The following CADM2 variants were observed in gnomAD, a reference collection of about 807,000 sequenced individuals.
The protein encoded by CADM2 is immunoglobulin superfamily member 4D.
CADM2 carries 12 observed loss-of-function variants against 49.8 expected under a neutral mutation model. The observed-to-expected ratio is 0.24, with a 90% CI of 0.15 to 0.39. The LOEUF (loss-of-function observed/expected upper bound fraction) is 0.39, where lower values mean the gene tolerates loss of function less well. Among genes scored for constraint, CADM2 ranks in the 10% least tolerant of loss-of-function variants. CADM2 has a pLI of 1.00. For missense variants in CADM2, 378 were observed against 492.3 expected (o/e 0.77, Z 2.20); for synonymous variants, 214 against 175.4 (o/e 1.22, Z -1.74).
At chr3:85,794,373 T>C (rs941021944) in intron 2 of CADM2, among the ~76,000 whole-genome samples, 2 of 152,180 alleles carry the variant, frequency 1.3e-5, no homozygotes, top group Non-Finnish European at 2.9e-5. Flanking sequence ...TTTGAGAGCT[T>C]CTATTTACTA....
intron 2 of CADM2, among the ~76,000 whole-genome samples, chr3:85,752,472 G>GCACACACACACA (rs3044028): frequency 5.6e-4 from 83 of 147,898 alleles, no homozygotes; most frequent in African/African-American, 2.1e-3. Flanking sequence ...ATGTGTGCGT[G>GCACACACACACA]CACACACACA....
At chr3:85,554,882 A>AT (rs902390475) in intron 1 of CADM2, among the ~76,000 whole-genome samples, 326 of 30,958 alleles carry the variant, frequency 0.011, 1 homozygote, top group Non-Finnish European at 0.019. Flanking sequence ...TTTTATTTTT[A>AT]TTTTTTTTTT....
At chr3:85,584,760 G>A (rs1315358050) in intron 1 of CADM2, among the ~76,000 whole-genome samples, 3 of 152,062 alleles carry the variant, frequency 2.0e-5, no homozygotes, top group African/African-American at 7.2e-5. Flanking sequence ...TCTGCTTGTA[G>A]CATCTGAAAG....
chr3:85,388,490 G>C (rs2034356956), intron 1 of CADM2, among the ~76,000 whole-genome samples: 1 of 152,096 alleles, frequency 6.6e-6, no homozygotes, highest in Non-Finnish European at 1.5e-5. Flanking sequence ...CATGTTTTCA[G>C]AAACAGCTAC....
intron 1 of CADM2, among the ~76,000 whole-genome samples, chr3:85,006,583 G>A (rs918646444): frequency 6.6e-5 from 10 of 152,110 alleles, no homozygotes; most frequent in East Asian, 3.9e-4. Context: ...GCTAAATGCC[G>A]GGAAACATGG....
rs71108284 is a variant in CADM2, at chr3:85,371,619, C to CTGTGTGTGTG, written c.62-354888_62-354879dup. Among the ~76,000 whole-genome samples the CTGTGTGTGTG allele has an allele frequency of 1.1e-3, 132 of 124,670 alleles. 3 individuals are homozygous for CTGTGTGTGTG. In the South Asian group the frequency reaches 0.014, roughly 13 times the overall value. The allele number at this position is 124,670 out of a possible 152,430, so 81.8% of individuals were successfully genotyped here. ...CATCATAATATTAAGCCACACATCA[C>CTGTGTGTGTG]TGTGTGTGTGTGTGTGTGTGTGTGC... On this transcript the variant is annotated intron_variant, in intron 1 of 9. Coordinates refer to ENST00000383699, the MANE Select transcript of CADM2 (RefSeq NM_001167675.2).
intron 7 of CADM2, among the ~76,000 whole-genome samples, chr3:85,947,981 C>T (rs1722946008): frequency 6.6e-6 from 1 of 151,498 alleles, no homozygotes; most frequent in African/African-American, 2.4e-5. Context: ...AAACCCTAAA[C>T]CAAACATGTC....
At chr3:85,288,792 C>CT in intron 1 of CADM2, among the ~76,000 whole-genome samples, 1 of 135,190 alleles carries the variant, frequency 7.4e-6, no homozygotes, top group Non-Finnish European at 1.6e-5. Flanking sequence ...ATGCCCCCCC[C>CT]CCCTCTTTTT....
At chr3:85,846,244 G>C (rs188236899) in intron 3 of CADM2, among the ~76,000 whole-genome samples, 2 of 152,064 alleles carry the variant, frequency 1.3e-5, no homozygotes, top group Non-Finnish European at 2.9e-5. Context: ...ATTTTCTAGC[G>C]TTGCATTTAA....
At chr3:84,959,808 G>T (rs927326255) in intron 1 of CADM2, 140 bp downstream of exon 1, 3 of 787,040 alleles carry the variant, frequency 3.8e-6, no homozygotes, top group Admixed American at 2.2e-5. Flanking sequence ...CTCTGGTGCG[G>T]CAGGGGGCAG....
intron 2 of CADM2, among the ~76,000 whole-genome samples, chr3:85,791,461 T>C (rs1362259441): frequency 6.6e-6 from 1 of 150,754 alleles, no homozygotes; most frequent in Non-Finnish European, 1.5e-5. Context: ...AGACACAGGT[T>C]CTTTGTATAA....
intron 1 of CADM2, among the ~76,000 whole-genome samples, chr3:85,403,373 G>A (rs187204686): frequency 6.6e-6 from 1 of 152,016 alleles, no homozygotes; most frequent in East Asian, 1.9e-4. Flanking sequence ...CTTTCTCAAG[G>A]GCATTTCTTG....
At chr3:85,025,718 C>T (rs1337781408) in intron 1 of CADM2, among the ~76,000 whole-genome samples, 2 of 151,900 alleles carry the variant, frequency 1.3e-5, no homozygotes, top group Admixed American at 6.6e-5. Context: ...AAATGACCGT[C>T]GTAGGTTATT....
chr3:85,011,981 A>G (rs1246352353), intron 1 of CADM2, among the ~76,000 whole-genome samples: 2 of 152,168 alleles, frequency 1.3e-5, no homozygotes, highest in Non-Finnish European at 2.9e-5. Context: ...AAGTAAAAAA[A>G]TACTAAATTA....
intron 1 of CADM2, among the ~76,000 whole-genome samples, chr3:85,100,252 A>T (rs1419441322): frequency 6.6e-6 from 1 of 152,208 alleles, no homozygotes; most frequent in Admixed American, 6.5e-5. Context: ...TTAAAATCAC[A>T]TTTGTTCTAC....
intron 1 of CADM2, among the ~76,000 whole-genome samples, chr3:85,116,262 G>A (rs1419913690): frequency 6.6e-6 from 1 of 152,342 alleles, no homozygotes; most frequent in East Asian, 1.9e-4. Flanking sequence ...GGAGGCAGAG[G>A]TTGCAGTGAG....
chr3:85,252,353 G>T (rs1400930165), intron 1 of CADM2, among the ~76,000 whole-genome samples: 2 of 151,846 alleles, frequency 1.3e-5, no homozygotes, highest in Non-Finnish European at 2.9e-5. Flanking sequence ...GCAACAATAA[G>T]AAAAAATGAT....
At chr3:85,248,547 A>T (rs550225701) in intron 1 of CADM2, among the ~76,000 whole-genome samples, 1 of 152,318 alleles carries the variant, frequency 6.6e-6, no homozygotes, top group Admixed American at 6.5e-5. Context: ...ATTTGCTAGG[A>T]TTACAGGCGT....
intron 1 of CADM2, among the ~76,000 whole-genome samples, chr3:85,490,593 C>CA (rs1033414793): frequency 2.0e-4 from 30 of 151,942 alleles, no homozygotes; most frequent in African/African-American, 6.5e-4. Flanking sequence ...AACAAAAAAA[C>CA]AAAAAATCCA....
Sources: gnomAD v4.1 joint callset for allele counts (sites outside exome capture counted in the v4.1 genomes callset) on GRCh38, gnomAD v4.1.1 for gene constraint, MANE v1.5 for transcripts, NCBI Gene and HGNC (gene_info 2026-07-23, HGNC 2026-07-21) for gene names.